Variants in CNTN4 observed in about 807,000 individuals in gnomAD.
CNTN4 encodes the protein contactin 4.
CNTN4 carries 77 observed loss-of-function variants against 122.5 expected under a neutral mutation model. The ratio of observed to expected loss-of-function variants is 0.63; its 90% CI spans 0.52 to 0.76. The LOEUF is 0.76. Among genes scored for constraint, CNTN4 ranks in the 30% least tolerant of loss-of-function variants. The pLI, the probability that CNTN4 is intolerant of heterozygous loss-of-function variation, is 0.00. For synonymous variants in CNTN4, 512 were observed against 447.0 expected, an observed-to-expected ratio of 1.15 and a Z score of -1.83; for missense variants, 1,256 against 1,259.1, an observed-to-expected ratio of 1.00 and a Z score of 0.04.
intron 4 of CNTN4, among the ~76,000 whole-genome samples, chr3:2,710,783 A>T (rs2087098375): frequency 1.3e-5 from 2 of 152,206 alleles, no homozygotes; most frequent in Admixed American, 1.3e-4. Context: ...GTGATAGTTT[A>T]TGCAAAGTAA....
At chr3:2,405,983 C>T (rs891501863) in intron 3 of CNTN4, among the ~76,000 whole-genome samples, 4 of 150,818 alleles carry the variant, frequency 2.7e-5, no homozygotes, top group African/African-American at 7.3e-5. Flanking sequence ...GTGGAGATCA[C>T]GTCACTGAAC....
At chr3:2,376,376 G>A (rs755921897) in intron 3 of CNTN4, among the ~76,000 whole-genome samples, 4 of 152,170 alleles carry the variant, frequency 2.6e-5, no homozygotes, top group African/African-American at 4.8e-5. Flanking sequence ...TGATGATGGT[G>A]TTGATGTGTT....
chr3:2,329,705 A>G (rs984407840), intron 2 of CNTN4, among the ~76,000 whole-genome samples: 2 of 151,692 alleles, frequency 1.3e-5, no homozygotes, highest in African/African-American at 4.8e-5. Context: ...CATCTATAAA[A>G]TGAGATAATA....
chr3:2,934,355 T>A (rs1225548897), intron 13 of CNTN4, among the ~76,000 whole-genome samples: 1 of 152,238 alleles, frequency 6.6e-6, no homozygotes, highest in Non-Finnish European at 1.5e-5. Context: ...GGTATCTGCC[T>A]CCAAAGTGAA....
chr3:2,265,255 T>C (rs1282634066), intron 2 of CNTN4, among the ~76,000 whole-genome samples: 4 of 152,116 alleles, frequency 2.6e-5, no homozygotes, highest in East Asian at 3.8e-4. Context: ...TATCCACTTA[T>C]TGATTGATAA....
intron 2 of CNTN4, among the ~76,000 whole-genome samples, chr3:2,140,648 G>A (rs1032558913): frequency 3.3e-5 from 5 of 152,116 alleles, no homozygotes; most frequent in African/African-American, 4.8e-5. Flanking sequence ...ATCACCTTGG[G>A]TATTAGGATT....
rs951411223 is a variant in CNTN4 at position 2,185,196 on chromosome 3, A to G, written c.-145+84557A>G. Reference sequence around the variant, plus strand: ...TTGTTTTCTCTCTTGGGATGTATCCACTGAGACAAATGACTCATCCATTCT... The same window carrying G: ...TTGTTTTCTCTCTTGGGATGTATCCGCTGAGACAAATGACTCATCCATTCT... On this transcript the variant is annotated intron_variant, in intron 2 of 24. Coordinates refer to ENST00000418658, the MANE Select transcript of CNTN4 (RefSeq NM_175607.3). Among the ~76,000 whole-genome samples, 3 of 152,110 alleles carry G rather than the reference A, an allele frequency of 2.0e-5. No individual in the cohort carries two copies. In the East Asian group the frequency reaches 5.8e-4, roughly 29 times the overall value.
intron 6 of CNTN4, among the ~76,000 whole-genome samples, chr3:2,748,360 A>G (rs1165552438): frequency 1.3e-5 from 2 of 152,186 alleles, no homozygotes; most frequent in Non-Finnish European, 2.9e-5. Flanking sequence ...TACCCCTAAT[A>G]AATTCATGTT....
intron 4 of CNTN4, among the ~76,000 whole-genome samples, chr3:2,604,429 G>A (rs2149773448): frequency 6.6e-6 from 1 of 152,238 alleles, no homozygotes; most frequent in African/African-American, 2.4e-5. Flanking sequence ...ACAAAAATAG[G>A]TAAGGCTGAT....
intron 3 of CNTN4, among the ~76,000 whole-genome samples, chr3:2,554,791 G>T (rs957850179): frequency 6.6e-6 from 1 of 152,144 alleles, no homozygotes; most frequent in African/African-American, 2.4e-5. Context: ...GCCATAATTT[G>T]TAAGGAATTT....
At chr3:2,287,048 A>G (rs2041927653) in intron 2 of CNTN4, among the ~76,000 whole-genome samples, 2 of 152,210 alleles carry the variant, frequency 1.3e-5, no homozygotes, top group Admixed American at 6.5e-5. Context: ...TTCAGGGCAC[A>G]TTGTCTCACT....
intron 3 of CNTN4, among the ~76,000 whole-genome samples, chr3:2,384,939 C>G (rs188408736): frequency 6.6e-6 from 1 of 151,744 alleles, no homozygotes; most frequent in African/African-American, 2.4e-5. Flanking sequence ...TTCATATAGC[C>G]CCTTCTACAG....
chr3:2,692,523 A>C lies in CNTN4; in HGVS notation c.56-43692A>C, dbSNP rs1024147. Reference sequence around the variant, plus strand: ...CTTTTGCATCTTTTTTAGTATGATAAAAATTAGGATTAAATTTATCTTTCT... The same window carrying C: ...CTTTTGCATCTTTTTTAGTATGATACAAATTAGGATTAAATTTATCTTTCT... On this transcript the variant is annotated intron_variant, in intron 4 of 24. Transcript: ENST00000418658. Among the ~76,000 whole-genome samples the C allele has an allele frequency of 0.47, 71,803 of 151,932 alleles. 17,279 individuals carry two copies. The highest frequency in any genetic ancestry group is 0.54 in the Middle Eastern group (160 of 294).
intron 4 of CNTN4, among the ~76,000 whole-genome samples, chr3:2,706,976 A>ATG (rs369390925): frequency 1.8e-3 from 264 of 150,834 alleles, no homozygotes; most frequent in East Asian, 0.01. Flanking sequence ...GATTATGTGT[A>ATG]TGTGTGTGTG....
intron 3 of CNTN4, among the ~76,000 whole-genome samples, chr3:2,509,807 T>G (rs903729691): frequency 6.6e-6 from 1 of 152,162 alleles, no homozygotes; most frequent in African/African-American, 2.4e-5. Context: ...AAGCCTCACC[T>G]TTCTCTACCT....
chr3:2,233,472 A>G (rs1490390549), intron 2 of CNTN4, among the ~76,000 whole-genome samples: 1 of 152,210 alleles, frequency 6.6e-6, no homozygotes, highest in Non-Finnish European at 1.5e-5. Context: ...ATTAGCATAT[A>G]GATGGCTATT....
chr3:2,371,804 C>G (rs544372711), intron 3 of CNTN4, among the ~76,000 whole-genome samples: 1 of 152,266 alleles, frequency 6.6e-6, no homozygotes, highest in South Asian at 2.1e-4. Context: ...GTTAGAAACT[C>G]AAAGCTAAAT....
intron 11 of CNTN4, 111 bp downstream of exon 11, chr3:2,900,932 A>T: frequency 1.5e-6 from 2 of 1,350,866 alleles, no homozygotes; most frequent in Non-Finnish European, 1.1e-6. Context: ...ATATGCAATG[A>T]AACAGCATTA....
chr3:2,479,253 A>G (rs1363302433), intron 3 of CNTN4, among the ~76,000 whole-genome samples: 2 of 152,218 alleles, frequency 1.3e-5, no homozygotes, highest in Non-Finnish European at 2.9e-5. Flanking sequence ...TTTTTGACCC[A>G]GGAAACAAGT....
Sources: gnomAD v4.1 joint callset for allele counts (sites outside exome capture counted in the v4.1 genomes callset) on GRCh38, gnomAD v4.1.1 for gene constraint, MANE v1.5 for transcripts, NCBI Gene and HGNC (gene_info 2026-07-23, HGNC 2026-07-21) for gene names.